CCSER1: variants seen among roughly 807,000 people sequenced by gnomAD.
CCSER1 encodes the protein coiled-coil serine rich protein 1.
In CCSER1, 41 loss-of-function variants were observed where a neutral mutation model predicts 82.0. The observed-to-expected ratio is 0.50, with a 90% CI of 0.39 to 0.65. The LOEUF is 0.65. CCSER1 is among the 30% of genes least tolerant of loss of function. CCSER1 has a pLI of 0.00. For missense variants in CCSER1, 1,119 were observed against 1,064.2 expected (o/e 1.05, Z -0.72); for synonymous variants, 414 against 383.9 (o/e 1.08, Z -0.92).
chr4:90,186,811 C>T (rs1734698768), intron 1 of CCSER1, among the ~76,000 whole-genome samples: 1 of 151,838 alleles, frequency 6.6e-6, no homozygotes, highest in Non-Finnish European at 1.5e-5. Flanking sequence ...TGTCCATAAA[C>T]TGTCACTTTG....
intron 6 of CCSER1, among the ~76,000 whole-genome samples, chr4:90,713,433 T>C (rs1208155843): frequency 6.6e-6 from 1 of 152,108 alleles, no homozygotes; most frequent in African/African-American, 2.4e-5. Context: ...AAATTCTATG[T>C]TGGAAATTTT....
At chr4:91,338,685 A>T (rs1296395781) in intron 10 of CCSER1, among the ~76,000 whole-genome samples, 1 of 152,184 alleles carries the variant, frequency 6.6e-6, no homozygotes, top group Non-Finnish European at 1.5e-5. Flanking sequence ...AGGAATTAGA[A>T]AACAAATTAT....
At chr4:91,265,394 T>G (rs1366940913) in intron 10 of CCSER1, among the ~76,000 whole-genome samples, 2 of 152,268 alleles carry the variant, frequency 1.3e-5, no homozygotes, top group South Asian at 2.1e-4. Flanking sequence ...CTGAAGATTA[T>G]CATATAAATA....
At chr4:90,381,000 G>T (rs1749116796) in intron 3 of CCSER1, among the ~76,000 whole-genome samples, 1 of 152,214 alleles carries the variant, frequency 6.6e-6, no homozygotes, top group Non-Finnish European at 1.5e-5. Context: ...CTGGACCAGA[G>T]TTGGGCACTG....
chr4:90,393,969 G>T (rs1338728451), intron 3 of CCSER1, among the ~76,000 whole-genome samples: 1 of 151,280 alleles, frequency 6.6e-6, no homozygotes, highest in Non-Finnish European at 1.5e-5. Context: ...TGCAGAGAGG[G>T]GGGTCTCGCT....
At chr4:91,467,184 C>G (rs1034273641) in intron 10 of CCSER1, among the ~76,000 whole-genome samples, 1 of 151,980 alleles carries the variant, frequency 6.6e-6, no homozygotes, top group East Asian at 1.9e-4. Context: ...CAGAACAGAG[C>G]CCTCAGAAAT....
intron 1 of CCSER1, among the ~76,000 whole-genome samples, chr4:90,276,847 T>A (rs1727917880): frequency 6.6e-6 from 1 of 152,190 alleles, no homozygotes; most frequent in South Asian, 2.1e-4. Flanking sequence ...ATGTTTTGTT[T>A]TTTTTGTATG....
intron 10 of CCSER1, among the ~76,000 whole-genome samples, chr4:91,548,064 C>G (rs1380795549): frequency 6.6e-6 from 1 of 152,180 alleles, no homozygotes; most frequent in Non-Finnish European, 1.5e-5. Context: ...GCTAAGATTA[C>G]AGGCGTGAGC....
chr4:90,386,316 T>G (rs1040220658), intron 3 of CCSER1, among the ~76,000 whole-genome samples: 1 of 152,072 alleles, frequency 6.6e-6, no homozygotes, highest in Non-Finnish European at 1.5e-5. Context: ...GTACACAAAT[T>G]GAACAGAATA....
chr4:90,334,017 C>T (rs562131759), intron 3 of CCSER1, among the ~76,000 whole-genome samples: 2 of 152,232 alleles, frequency 1.3e-5, no homozygotes, highest in South Asian at 4.1e-4. Flanking sequence ...TTTGGGAAAG[C>T]CTTTTAGGTA....
intron 8 of CCSER1, among the ~76,000 whole-genome samples, chr4:90,843,030 GAA>G (rs1341016560): frequency 6.6e-6 from 1 of 152,138 alleles, no homozygotes; most frequent in Admixed American, 6.5e-5. Context: ...GACATCTCTT[GAA>G]AAGAGTCAGC....
chr4:91,337,415 A>C (rs183773824), intron 10 of CCSER1, among the ~76,000 whole-genome samples: 1 of 152,178 alleles, frequency 6.6e-6, no homozygotes, highest in Admixed American at 6.6e-5. Flanking sequence ...CTGTTCAGTT[A>C]ATCTAAATTG....
At chr4:91,018,370 A>G (rs992956765) in intron 9 of CCSER1, among the ~76,000 whole-genome samples, 1 of 152,046 alleles carries the variant, frequency 6.6e-6, no homozygotes, top group African/African-American at 2.4e-5. Context: ...TTATCTCCAA[A>G]TATGTAGGTT....
chr4:91,287,410 C>T (rs1182126701), intron 10 of CCSER1, among the ~76,000 whole-genome samples: 3 of 151,832 alleles, frequency 2.0e-5, no homozygotes, highest in Non-Finnish European at 2.9e-5. Flanking sequence ...AATGTATTTG[C>T]ATTATTTATC....
intron 10 of CCSER1, among the ~76,000 whole-genome samples, chr4:91,101,636 A>AG (rs1394505043): frequency 1.3e-5 from 2 of 151,570 alleles, no homozygotes; most frequent in African/African-American, 4.8e-5. Context: ...TCCGTCTCAA[A>AG]AAAAAAAAAG....
At chr4:90,423,212 C>T (rs907055436) in intron 4 of CCSER1, among the ~76,000 whole-genome samples, 2 of 151,606 alleles carry the variant, frequency 1.3e-5, no homozygotes, top group Non-Finnish European at 2.9e-5. Flanking sequence ...CCAGGTGGTT[C>T]TTTTTATTTA....
At chr4:90,900,021 G>T (rs1403330665) in intron 8 of CCSER1, among the ~76,000 whole-genome samples, 1 of 149,946 alleles carries the variant, frequency 6.7e-6, no homozygotes, top group Non-Finnish European at 1.5e-5. Context: ...CAGTAAGATT[G>T]GTACCAGATC....
At chr4:90,808,191 G>A (rs1580572214) in intron 7 of CCSER1, among the ~76,000 whole-genome samples, 1 of 152,286 alleles carries the variant, frequency 6.6e-6, no homozygotes, top group East Asian at 1.9e-4. Flanking sequence ...ATAGCCAGAT[G>A]TAGAAGAATG....
chr4:91,068,964 C>A (rs1157797058), intron 9 of CCSER1, among the ~76,000 whole-genome samples: 1 of 152,062 alleles, frequency 6.6e-6, no homozygotes, highest in African/African-American at 2.4e-5. Flanking sequence ...AGGTGGATCA[C>A]CTGAGGTCAG....
Sources: allele counts gnomAD v4.1 joint callset (sites outside exome capture counted in the v4.1 genomes callset), GRCh38; gene constraint gnomAD v4.1.1; transcripts MANE v1.5; gene names NCBI Gene and HGNC (gene_info 2026-07-23, HGNC 2026-07-21).